Variants in RAB3IP observed in about 807,000 individuals in gnomAD.
RAB3IP encodes the protein rab-3A-interacting protein.
In RAB3IP, 36 loss-of-function variants were observed where a neutral mutation model predicts 59.1. The observed-to-expected ratio is 0.61, with a 90% CI of 0.47 to 0.80. RAB3IP has a LOEUF of 0.80. RAB3IP is among the 30% of genes least tolerant of loss of function. The pLI, the probability that RAB3IP is intolerant of heterozygous loss-of-function variation, is 0.00. For missense variants in RAB3IP, 511 were observed against 536.0 expected (o/e 0.95, Z 0.46); for synonymous variants, 207 against 191.2 (o/e 1.08, Z -0.68).
At chr12:69,794,580 C>CTA in intron 5 of RAB3IP, 66 bp downstream of exon 5, 4 of 1,260,442 alleles carry the variant, frequency 3.2e-6, no homozygotes, top group Non-Finnish European at 4.5e-6. Context: ...GATACCTTAA[C>CTA]ATCTGTTGGA....
intron 3 of RAB3IP, among the ~76,000 whole-genome samples, chr12:69,769,438 T>C (rs769628781): frequency 6.6e-6 from 1 of 152,204 alleles, no homozygotes. Flanking sequence ...AGGGAAGTTC[T>C]CTGCCTCTCT....
intron 1 of RAB3IP, among the ~76,000 whole-genome samples, chr12:69,742,224 G>C (rs1184024800): frequency 6.6e-6 from 1 of 152,180 alleles, no homozygotes; most frequent in Non-Finnish European, 1.5e-5. Flanking sequence ...GATATTCCAA[G>C]GGAGTACGCT....
chr12:69,806,347 C>T (rs1369111263), intron 8 of RAB3IP, among the ~76,000 whole-genome samples: 1 of 152,154 alleles, frequency 6.6e-6, no homozygotes, highest in African/African-American at 2.4e-5. Context: ...GTGATATCCC[C>T]TTTATCATTT....
intron 4 of RAB3IP, among the ~76,000 whole-genome samples, chr12:69,786,918 T>C (rs1875765405): frequency 6.6e-6 from 1 of 152,188 alleles, no homozygotes. Flanking sequence ...ACAAAGTACA[T>C]TGATTAAAGA....
intron 4 of RAB3IP, among the ~76,000 whole-genome samples, chr12:69,788,880 G>A (rs1876156054): frequency 1.3e-5 from 2 of 151,934 alleles, no homozygotes; most frequent in Admixed American, 1.3e-4. Context: ...AATTCAATTA[G>A]GAATCAATAA....
chr12:69,807,444 C>T (rs1340409031), intron 8 of RAB3IP, among the ~76,000 whole-genome samples: 2 of 144,300 alleles, frequency 1.4e-5, no homozygotes, highest in Admixed American at 1.4e-4. Flanking sequence ...GGAGGCGCTC[C>T]TCACATCCCA....
chr12:69,742,768 A>T (rs539465901), intron 1 of RAB3IP, among the ~76,000 whole-genome samples: 1 of 152,230 alleles, frequency 6.6e-6, no homozygotes, highest in Non-Finnish European at 1.5e-5. Context: ...TTAACTTGCT[A>T]TCTCTATTTT....
At chr12:69,804,099 G>A (rs1878844565) in intron 8 of RAB3IP, among the ~76,000 whole-genome samples, 2 of 152,108 alleles carry the variant, frequency 1.3e-5, no homozygotes, top group Non-Finnish European at 2.9e-5. Context: ...GGTTGAACTA[G>A]TTTACAGTCC....
At chr12:69,796,611 C>T (rs1486652475) in intron 6 of RAB3IP, 4 of 626,962 alleles carry the variant, frequency 6.4e-6, no homozygotes, top group African/African-American at 5.5e-5. Context: ...AATTGAATTG[C>T]ATTTTGACGA....
At chr12:69,806,814 A>T (rs947972991) in intron 8 of RAB3IP, among the ~76,000 whole-genome samples, 1 of 152,036 alleles carries the variant, frequency 6.6e-6, no homozygotes, top group Non-Finnish European at 1.5e-5. Flanking sequence ...GCATCTGTTT[A>T]ACAAAGCACA....
Position 69,817,389 on chromosome 12 carries a change from T to C in RAB3IP, c.*1943T>C, listed in dbSNP as rs999954006. On this transcript the variant is annotated 3_prime_UTR_variant, in exon 11 of 11. Transcript: ENST00000247833. Reference sequence around the variant, plus strand: ...GTGATTGAAACATATTTAGAAAATGTGATTATCTTCCTGATCCTACTCCCT... The same window carrying C: ...GTGATTGAAACATATTTAGAAAATGCGATTATCTTCCTGATCCTACTCCCT... 5.9e-5 allele frequency: 9 copies of C among 151,774 alleles called. No individual in the cohort carries two copies. The highest frequency in any genetic ancestry group is 1.5e-5 in the Non-Finnish European group (1 of 67,978). The allele number at this position is 151,774 out of a possible 1,614,324, so 9.4% of individuals were successfully genotyped here. A position where few individuals can be genotyped will look rare whatever the true frequency, so the allele number is the denominator to read the frequency against.
chr12:69,795,700 A>C lies in RAB3IP; in HGVS notation c.888+356A>C, dbSNP rs111405067. ...AGTATGGATATAAGAAATATGTGAAAATAAGATGATTTTCTTAAAGATCAA... is the reference window on the plus strand; with the variant it reads ...AGTATGGATATAAGAAATATGTGAACATAAGATGATTTTCTTAAAGATCAA... On this transcript the variant is annotated intron_variant, in intron 6 of 10. Coordinates refer to ENST00000247833, the MANE Select transcript of RAB3IP (RefSeq NM_022456.5). The C allele has an allele frequency of 6.9e-3, 2,472 of 356,412 alleles. 56 individuals carry two copies. The highest frequency in any genetic ancestry group is 0.041 in the African/African-American group (1,991 of 48,020). The allele number at this position is 356,412 out of a possible 1,614,324, so 22.1% of individuals were successfully genotyped here.
intron 1 of RAB3IP, among the ~76,000 whole-genome samples, chr12:69,745,532 A>G (rs1868302354): frequency 6.6e-6 from 1 of 152,238 alleles, no homozygotes; most frequent in Admixed American, 6.5e-5. Context: ...ATAGGGGAAA[A>G]TAATAGAACA....
At chr12:69,757,522 A>G (rs993990618) in intron 3 of RAB3IP, among the ~76,000 whole-genome samples, 1 of 152,194 alleles carries the variant, frequency 6.6e-6, no homozygotes, top group African/African-American at 2.4e-5. Context: ...TATCAAAAGT[A>G]TAATGGAATG....
At chr12:69,797,541 A>G (rs1252172549) in intron 6 of RAB3IP, among the ~76,000 whole-genome samples, 1 of 55,676 alleles carries the variant, frequency 1.8e-5, no homozygotes, top group African/African-American at 7.8e-5. Flanking sequence ...TTATTGTTAT[A>G]CTTTAAGTTT....
chr12:69,802,562 G>T (rs979207716), intron 8 of RAB3IP, among the ~76,000 whole-genome samples: 3 of 152,170 alleles, frequency 2.0e-5, no homozygotes, highest in Non-Finnish European at 4.4e-5. Flanking sequence ...TTTAAAAAAT[G>T]ACTTGGAAAG....
intron 3 of RAB3IP, among the ~76,000 whole-genome samples, chr12:69,767,734 C>T (rs1872461573): frequency 6.6e-6 from 1 of 152,164 alleles, no homozygotes; most frequent in Non-Finnish European, 1.5e-5. Context: ...GGCTGCCAAA[C>T]CAAGCATACA....
intron 8 of RAB3IP, among the ~76,000 whole-genome samples, chr12:69,806,163 T>A (rs1436493600): frequency 1.3e-5 from 2 of 152,226 alleles, no homozygotes; most frequent in Non-Finnish European, 2.9e-5. Flanking sequence ...AATTATTGCC[T>A]CAATTTCAGA....
At position 69,815,910 on chromosome 12, in the gene RAB3IP, A is replaced by G. The variant is rs1369485096; in HGVS notation, c.*464A>G. On this transcript the variant is annotated 3_prime_UTR_variant, in exon 11 of 11. Coordinates refer to ENST00000247833, the MANE Select transcript of RAB3IP (RefSeq NM_022456.5). ...ATGGCTTTATTTTTATCTGTTTTCT[A>G]TATTGGGTTTCAAAAAAGATTTTAT... The G allele has an allele frequency of 3.3e-5, 5 of 152,620 alleles. No homozygotes were observed. Among genetic ancestry groups the G allele is most frequent in the East Asian group, 1.9e-4 (1 of 5,200 alleles). 9.5% of individuals were successfully genotyped at this position (152,620 alleles called of 1,614,324 possible).
Sources: gnomAD v4.1 joint callset for allele counts (sites outside exome capture counted in the v4.1 genomes callset) on GRCh38, gnomAD v4.1.1 for gene constraint, MANE v1.5 for transcripts, NCBI Gene and HGNC (gene_info 2026-07-23, HGNC 2026-07-21) for gene names.